IST1: variants seen among roughly 807,000 people sequenced by gnomAD.
The protein encoded by IST1 is IST1 homolog.
In IST1, 23 loss-of-function variants were observed where a neutral mutation model predicts 37.0. The ratio of observed to expected loss-of-function variants is 0.62; its 90% CI spans 0.45 to 0.88. The LOEUF (loss-of-function observed/expected upper bound fraction) is 0.88. Ranked by LOEUF, IST1 falls within the 40% of genes least tolerant of loss-of-function variation. IST1 has a pLI of 0.00. For missense variants in IST1, 488 were observed against 445.4 expected (o/e 1.10, Z -0.86); for synonymous variants, 180 against 161.7 (o/e 1.11, Z -0.86).
At chr16:71,904,319 C>T (rs892418396) in intron 1 of IST1, among the ~76,000 whole-genome samples, 10 of 152,120 alleles carry the variant, frequency 6.6e-5, no homozygotes, top group South Asian at 2.1e-4. Flanking sequence ...GATGGGGTTT[C>T]GTCATGTTGA....
intron 8 of IST1, chr16:71,924,389 G>C (rs923035034): frequency 2.6e-5 from 10 of 381,352 alleles, no homozygotes; most frequent in Admixed American, 1.5e-4. Context: ...GCAGGCGTTC[G>C]AGACCAGCCT....
intron 1 of IST1, among the ~76,000 whole-genome samples, chr16:71,907,371 G>T (rs1237108163): frequency 6.6e-6 from 1 of 150,710 alleles, no homozygotes; most frequent in African/African-American, 2.4e-5. Context: ...TTCGCCTCCT[G>T]GGTTCATGCC....
intron 9 of IST1, among the ~76,000 whole-genome samples, chr16:71,927,179 A>C (rs1454134720): frequency 6.6e-6 from 1 of 152,208 alleles, no homozygotes; most frequent in East Asian, 1.9e-4. Context: ...ATTAACTGTC[A>C]TTCAAATGTT....
At chr16:71,921,571 T>A (rs2037585832) in intron 6 of IST1, 118 bp downstream of exon 6, 2 of 644,466 alleles carry the variant, frequency 3.1e-6, no homozygotes, top group East Asian at 5.4e-5. Context: ...CTTTGTCCAG[T>A]TAGTACCTTT....
At chr16:71,898,180 G>A (rs1451683076) in intron 1 of IST1, among the ~76,000 whole-genome samples, 1 of 151,728 alleles carries the variant, frequency 6.6e-6, no homozygotes, top group African/African-American at 2.4e-5. Context: ...TTTGAGACCA[G>A]CCTGGCCAAC....
intron 2 of IST1, 108 bp from the exon 3 acceptor site, chr16:71,916,354 C>A: frequency 9.5e-7 from 1 of 1,048,306 alleles, no homozygotes; most frequent in Non-Finnish European, 1.4e-6. Flanking sequence ...AGGAGAGGAG[C>A]TAGGATATAG....
chr16:71,904,998 A>C (rs1255381983), intron 1 of IST1, among the ~76,000 whole-genome samples: 1 of 151,744 alleles, frequency 6.6e-6, no homozygotes, highest in African/African-American at 2.4e-5. Context: ...TTTAAATTCC[A>C]TTAAAAAATT....
intron 1 of IST1, among the ~76,000 whole-genome samples, chr16:71,908,766 A>T (rs188196463): frequency 5.9e-5 from 9 of 152,264 alleles, no homozygotes; most frequent in Admixed American, 1.3e-4. Context: ...CTCTCTGCTG[A>T]TGCTCATTTC....
chr16:71,919,378 C>T (rs975797115), intron 4 of IST1, among the ~76,000 whole-genome samples: 1 of 152,134 alleles, frequency 6.6e-6, no homozygotes, highest in Non-Finnish European at 1.5e-5. Flanking sequence ...TTAGTTAACT[C>T]CTAGTCATCC....
intron 1 of IST1, 124 bp from the exon 2 acceptor site, chr16:71,915,502 T>A: frequency 1.6e-6 from 1 of 619,492 alleles, no homozygotes; most frequent in Non-Finnish European, 2.8e-6. Flanking sequence ...GTGAATTAGA[T>A]CATGTCATTT....
chr16:71,903,877 T>C (rs1226315774), intron 1 of IST1, among the ~76,000 whole-genome samples: 1 of 152,210 alleles, frequency 6.6e-6, no homozygotes, highest in Non-Finnish European at 1.5e-5. Flanking sequence ...TGATCAGTTA[T>C]GGTGGGAGGT....
In IST1 at chr16:71,928,413, G is replaced by A. The variant is rs1199243962; in HGVS notation, c.*600G>A. The A allele has an allele frequency of 5.9e-5, 9 of 152,950 alleles. No individual in the cohort carries two copies. The highest frequency in any genetic ancestry group is 2.0e-4 in the Admixed American group (3 of 15,310). The allele number at this position is 152,950 out of a possible 1,614,324, so 9.5% of individuals were successfully genotyped here. A position where few individuals can be genotyped will look rare whatever the true frequency, so the allele number is the denominator to read the frequency against. ...CAGGGCACTGTCCCACCGGGATCCA[G>A]TTGCAAAGTTTGTCTTGACAGTTGA... On this transcript the variant is annotated 3_prime_UTR_variant, in exon 10 of 10. Transcript: ENST00000378799.
chr16:71,905,748 A>G (rs992135901), intron 1 of IST1, among the ~76,000 whole-genome samples: 2 of 152,194 alleles, frequency 1.3e-5, no homozygotes, highest in Admixed American at 1.3e-4. Flanking sequence ...AAACCTTACT[A>G]TTCTATAGAT....
At chr16:71,898,121 T>A (rs2037017053) in intron 1 of IST1, among the ~76,000 whole-genome samples, 2 of 152,028 alleles carry the variant, frequency 1.3e-5, no homozygotes. Context: ...ACGCCTGTAA[T>A]CCCAGCACTT....
intron 8 of IST1, 83 bp downstream of exon 8, chr16:71,923,463 G>A: frequency 1.2e-6 from 1 of 848,590 alleles, no homozygotes; most frequent in Non-Finnish European, 2.0e-6. Context: ...AGGGAAGGCA[G>A]AGTTTTGATC....
rs59327753 is a variant in IST1, at chr16:71,926,174, C to T, written c.901+1357C>T. 2.1e-3 allele frequency among the ~76,000 whole-genome samples: 310 copies of T among 150,778 alleles called. 1 individual carries two copies. The highest frequency in any genetic ancestry group is 4.0e-3 in the South Asian group (19 of 4,744). On this transcript the variant is annotated intron_variant, in intron 9 of 9. Coordinates refer to ENST00000378799, the MANE Select transcript of IST1 (RefSeq NM_001270975.2). The stretch of plus-strand genomic sequence containing the variant: ...GCAGGCGCCTGTAATCCCAGCTACT[C>T]GGGAAGCTGAGGCAGAAGAATCTCT...
intron 1 of IST1, among the ~76,000 whole-genome samples, chr16:71,911,024 G>A (rs1325850161): frequency 6.6e-6 from 1 of 151,916 alleles, no homozygotes; most frequent in Non-Finnish European, 1.5e-5. Flanking sequence ...TGGATCACTT[G>A]AGGTCAGGAG....
chr16:71,924,693 A>G, intron 8 of IST1, 76 bp from the exon 9 acceptor site: 2 of 1,160,800 alleles, frequency 1.7e-6, no homozygotes, highest in South Asian at 1.2e-5. Context: ...AACTTTTGGA[A>G]ACACAGGGGC....
chr16:71,905,468 T>C (rs1391135624), intron 1 of IST1, among the ~76,000 whole-genome samples: 1 of 152,122 alleles, frequency 6.6e-6, no homozygotes, highest in Non-Finnish European at 1.5e-5. Context: ...AACCTTCGTC[T>C]GCTGGGTTCA....
Sources: gnomAD v4.1 joint callset for allele counts (sites outside exome capture counted in the v4.1 genomes callset) on GRCh38, gnomAD v4.1.1 for gene constraint, MANE v1.5 for transcripts, NCBI Gene and HGNC (gene_info 2026-07-23, HGNC 2026-07-21) for gene names.